ARK2C: variants seen among roughly 807,000 people sequenced by gnomAD.
ARK2C encodes the protein arkadia (RNF111) C-terminal like ring finger ubiquitin ligase 2C.
chr18:46,338,571 G>A, the ARK2C span, among the ~76,000 whole-genome samples: 5 of 152,118 alleles, frequency 3.3e-5, no homozygotes, highest in Admixed American at 3.3e-4. Context: ...AGTAAAGTCA[G>A]GACCTAACCC....
At chr18:46,414,769 C>G in the ARK2C span, among the ~76,000 whole-genome samples, 1 of 152,166 alleles carries the variant, frequency 6.6e-6, no homozygotes, top group East Asian at 1.9e-4. Flanking sequence ...CTCCTTTGCC[C>G]CAGTGCGGAG....
At chr18:46,419,713 C>T in the ARK2C span, among the ~76,000 whole-genome samples, 2 of 152,202 alleles carry the variant, frequency 1.3e-5, no homozygotes, top group Non-Finnish European at 2.9e-5. Context: ...CAGGGGCAGC[C>T]AAGGGGCTGA....
the ARK2C span, among the ~76,000 whole-genome samples, chr18:46,420,176 C>T: frequency 1.3e-5 from 2 of 152,296 alleles, no homozygotes; most frequent in East Asian, 3.9e-4. Context: ...AACTTCATAG[C>T]ACCAGCTCCT....
chr18:46,411,854 T>C, the ARK2C span, among the ~76,000 whole-genome samples: 1 of 152,210 alleles, frequency 6.6e-6, no homozygotes, highest in African/African-American at 2.4e-5. Flanking sequence ...GTGTGATCTT[T>C]ACACCTCCCT....
chr18:46,456,528 C>A, the ARK2C span: 7 of 1,612,562 alleles, frequency 4.3e-6, no homozygotes, highest in East Asian at 2.2e-5. Flanking sequence ...GACGCCTACC[C>A]TGTATGCATC....
At chr18:46,413,498 C>CTT in the ARK2C span, among the ~76,000 whole-genome samples, 1 of 152,138 alleles carries the variant, frequency 6.6e-6, no homozygotes, top group Non-Finnish European at 1.5e-5. Flanking sequence ...TCTGCCTTGT[C>CTT]TTATTAGCCC....
the ARK2C span, among the ~76,000 whole-genome samples, chr18:46,413,138 T>C: frequency 6.6e-6 from 1 of 152,116 alleles, no homozygotes; most frequent in South Asian, 2.1e-4. Flanking sequence ...GAAAATTGTT[T>C]GGTTAAAACA....
the ARK2C span, among the ~76,000 whole-genome samples, chr18:46,432,504 G>A: frequency 6.6e-6 from 1 of 152,224 alleles, no homozygotes; most frequent in South Asian, 2.1e-4. Context: ...TCTGAGCTTG[G>A]CTAGGCTGGA....
chr18:46,387,819 G>T, the ARK2C span, among the ~76,000 whole-genome samples: 1,761 of 152,368 alleles, frequency 0.012, 24 homozygotes, highest in African/African-American at 0.04. Context: ...TCTTGAAGCA[G>T]AAGCTGACCT....
chr18:46,393,530 C>A, the ARK2C span, among the ~76,000 whole-genome samples: 3 of 152,150 alleles, frequency 2.0e-5, no homozygotes, highest in Admixed American at 6.5e-5. Context: ...GGACGCCCCC[C>A]GCCACCACCC....
chr18:46,416,956 G>A, the ARK2C span, among the ~76,000 whole-genome samples: 37 of 152,298 alleles, frequency 2.4e-4, no homozygotes, highest in African/African-American at 6.0e-4. Flanking sequence ...GCCTTTAATG[G>A]GAGGAGCTTG....
At chr18:46,426,947 C>T in the ARK2C span, among the ~76,000 whole-genome samples, 2 of 152,196 alleles carry the variant, frequency 1.3e-5, no homozygotes, top group East Asian at 1.9e-4. Context: ...CATCACTGAT[C>T]GTTGATTTGT....
At chr18:46,403,764 G>A in the ARK2C span, among the ~76,000 whole-genome samples, 1 of 152,284 alleles carries the variant, frequency 6.6e-6, no homozygotes, top group South Asian at 2.1e-4. Context: ...TGTAATCCCA[G>A]CTGCTTGGGA....
the ARK2C span, among the ~76,000 whole-genome samples, chr18:46,383,463 T>A: frequency 6.6e-5 from 10 of 152,058 alleles, no homozygotes; most frequent in East Asian, 1.7e-3. Context: ...CAAGACTAGT[T>A]AATATCTAGC....
the ARK2C span, among the ~76,000 whole-genome samples, chr18:46,373,778 T>G: frequency 6.6e-6 from 1 of 152,104 alleles, no homozygotes; most frequent in Admixed American, 6.5e-5. Flanking sequence ...GTGGGGAAGC[T>G]GAGTTCAGAC....
the ARK2C span, among the ~76,000 whole-genome samples, chr18:46,362,291 TCTAA>T: frequency 6.6e-6 from 1 of 152,220 alleles, no homozygotes; most frequent in South Asian, 2.1e-4. Context: ...AAAGCTGGTT[TCTAA>T]CTGAGACTCT....
At chr18:46,381,512 C>T in the ARK2C span, among the ~76,000 whole-genome samples, 1 of 152,138 alleles carries the variant, frequency 6.6e-6, no homozygotes. Flanking sequence ...TCCAGAGAAG[C>T]CTCCTGGAGG....
chr18:46,335,913 G>T, the ARK2C span: 2 of 985,344 alleles, frequency 2.0e-6, no homozygotes, highest in Non-Finnish European at 2.4e-6. Context: ...ACTCGCTGCT[G>T]TGTGCGCTGT....
chr18:46,362,175 C>G, the ARK2C span, among the ~76,000 whole-genome samples: 1 of 152,364 alleles, frequency 6.6e-6, no homozygotes, highest in African/African-American at 2.4e-5. Flanking sequence ...CAGTCGCTGT[C>G]CCCTCCAAGG....
Sources: allele counts gnomAD v4.1 joint callset (sites outside exome capture counted in the v4.1 genomes callset), GRCh38; gene constraint gnomAD v4.1.1; transcripts MANE v1.5; gene names NCBI Gene and HGNC (gene_info 2026-07-23, HGNC 2026-07-21).